Variants in PTPRD observed in about 807,000 individuals in gnomAD.
PTPRD encodes protein tyrosine phosphatase receptor type D, also known as receptor-type tyrosine-protein phosphatase delta.
Under a neutral mutation model 214.5 loss-of-function variants are expected in PTPRD, and 34 were observed. The observed-to-expected ratio is 0.16, with a 90% CI of 0.12 to 0.21. The LOEUF (loss-of-function observed/expected upper bound fraction) is 0.21. Among genes scored for constraint, PTPRD ranks in the 10% least tolerant of loss-of-function variants. PTPRD has a pLI of 1.00. For missense variants in PTPRD, 2,545 were observed against 2,398.7 expected (o/e 1.06, Z -1.27); for synonymous variants, 1,128 against 845.7 (o/e 1.33, Z -5.79).
At chr9:9,382,131 T>G (rs554790171) in intron 9 of PTPRD, among the ~76,000 whole-genome samples, 1 of 150,594 alleles carries the variant, frequency 6.6e-6, no homozygotes, top group South Asian at 2.1e-4. Flanking sequence ...TTTTACTCTT[T>G]TTTGTGCTAT....
intron 21 of PTPRD, among the ~76,000 whole-genome samples, chr9:8,512,229 G>A (rs2097697120): frequency 6.6e-6 from 1 of 151,864 alleles, no homozygotes; most frequent in Non-Finnish European, 1.5e-5. Context: ...GTAAAACAAA[G>A]CAAAATTCAA....
intron 11 of PTPRD, among the ~76,000 whole-genome samples, chr9:8,764,078 C>G (rs954848221): frequency 1.3e-5 from 2 of 151,994 alleles, no homozygotes; most frequent in Non-Finnish European, 2.9e-5. Context: ...AATGTGAAAC[C>G]ATTTGCAGTA....
At chr9:8,436,799 T>C in intron 34 of PTPRD, 110 bp from the exon 35 acceptor site, 1 of 817,246 alleles carries the variant, frequency 1.2e-6, no homozygotes, top group Non-Finnish European at 2.0e-6. Flanking sequence ...AATATGTGAG[T>C]AGTAAAGATG....
chr9:9,588,130 G>A (rs1253515617), intron 7 of PTPRD, among the ~76,000 whole-genome samples: 3 of 151,728 alleles, frequency 2.0e-5, no homozygotes, highest in Non-Finnish European at 2.9e-5. Flanking sequence ...AAACTATCAT[G>A]TATTAATAAC....
intron 35 of PTPRD, among the ~76,000 whole-genome samples, chr9:8,409,488 C>G (rs1463021711): frequency 6.6e-6 from 1 of 152,124 alleles, no homozygotes; most frequent in Non-Finnish European, 1.5e-5. Context: ...ATTTGTAATT[C>G]TAAACTCCAA....
At chr9:8,940,389 T>A (rs1418750954) in intron 11 of PTPRD, among the ~76,000 whole-genome samples, 1 of 143,858 alleles carries the variant, frequency 7.0e-6, no homozygotes, top group African/African-American at 2.5e-5. Context: ...TTCAAGTGAT[T>A]CTCCTGCCTC....
At chr9:10,045,962 A>T (rs1013613686) in intron 3 of PTPRD, among the ~76,000 whole-genome samples, 3 of 151,804 alleles carry the variant, frequency 2.0e-5, no homozygotes, top group Admixed American at 2.0e-4. Context: ...ATATAAATCT[A>T]TCAATGGTCC....
intron 3 of PTPRD, among the ~76,000 whole-genome samples, chr9:10,101,240 T>A (rs896650866): frequency 6.6e-6 from 1 of 151,580 alleles, no homozygotes; most frequent in South Asian, 2.1e-4. Flanking sequence ...GTAGATTTAC[T>A]ATGGGACTCG....
chr9:10,446,161 T>C (rs776624215), intron 2 of PTPRD, among the ~76,000 whole-genome samples: 19 of 152,020 alleles, frequency 1.2e-4, no homozygotes, highest in Non-Finnish European at 2.5e-4. Flanking sequence ...GAGAAAGGAT[T>C]TGATGCTACA....
chr9:8,935,869 T>C (rs114246708), intron 11 of PTPRD, among the ~76,000 whole-genome samples: 89 of 152,308 alleles, frequency 5.8e-4, no homozygotes, highest in African/African-American at 2.1e-3. Flanking sequence ...TGGGGTTACA[T>C]CACCAATTTG....
At chr9:10,433,031 T>G (rs2098693582) in intron 2 of PTPRD, among the ~76,000 whole-genome samples, 1 of 151,900 alleles carries the variant, frequency 6.6e-6, no homozygotes. Context: ...CTTTTTTTGT[T>G]TTAGTTTAAT....
At chr9:9,194,102 A>G (rs2099936838) in intron 9 of PTPRD, among the ~76,000 whole-genome samples, 1 of 151,952 alleles carries the variant, frequency 6.6e-6, no homozygotes. Context: ...AAACACACAT[A>G]TTAGCCTAGG....
intron 8 of PTPRD, among the ~76,000 whole-genome samples, chr9:9,567,890 A>G (rs1056444705): frequency 1.3e-5 from 2 of 152,004 alleles, no homozygotes; most frequent in Non-Finnish European, 2.9e-5. Context: ...AATAGGCAGA[A>G]GAGTGGGGAT....
In PTPRD at chr9:10,264,884, G is replaced by A. The variant is rs573236573; in HGVS notation, c.-545+76079C>T. 1.1e-4 allele frequency among the ~76,000 whole-genome samples: 16 copies of A among 152,230 alleles called. No homozygotes were observed. In the East Asian group the frequency reaches 1.9e-3, roughly 18 times the overall value. On this transcript the variant is annotated intron_variant, in intron 3 of 45. Transcript: ENST00000381196. ...AGGGGGAGATAATTGAATCATGGGG[G>A]CAGTTCCCCCATACTGTTCTCATGG... is the stretch of plus-strand genomic sequence containing the variant.
chr9:8,502,802 T>A (rs2097439003), intron 23 of PTPRD, among the ~76,000 whole-genome samples: 1 of 151,218 alleles, frequency 6.6e-6, no homozygotes, highest in African/African-American at 2.4e-5. Flanking sequence ...AATAGATAAG[T>A]GTTTGATGTG....
At chr9:10,270,966 G>C (rs2094385570) in intron 3 of PTPRD, among the ~76,000 whole-genome samples, 1 of 152,036 alleles carries the variant, frequency 6.6e-6, no homozygotes, top group East Asian at 1.9e-4. Flanking sequence ...AGGACTAGAA[G>C]AGTGCCCCAC....
At chr9:9,920,602 C>G (rs1311582366) in intron 5 of PTPRD, among the ~76,000 whole-genome samples, 2 of 152,148 alleles carry the variant, frequency 1.3e-5, no homozygotes, top group Non-Finnish European at 2.9e-5. Context: ...TTATCATTCA[C>G]TTCACCATGG....
At chr9:9,739,018 TA>T (rs1337383616) in intron 6 of PTPRD, among the ~76,000 whole-genome samples, 1 of 152,168 alleles carries the variant, frequency 6.6e-6, no homozygotes, top group African/African-American at 2.4e-5. Context: ...GGAACCTCAA[TA>T]AAAAATCATA....
intron 4 of PTPRD, among the ~76,000 whole-genome samples, chr9:9,947,251 C>T (rs1277958636): frequency 8.2e-6 from 1 of 121,604 alleles, no homozygotes; most frequent in African/African-American, 3.1e-5. Flanking sequence ...TTTTAGATAT[C>T]CAAATTCTTT....
Sources: allele counts gnomAD v4.1 joint callset (sites outside exome capture counted in the v4.1 genomes callset), GRCh38; gene constraint gnomAD v4.1.1; transcripts MANE v1.5; gene names NCBI Gene and HGNC (gene_info 2026-07-23, HGNC 2026-07-21).